The following PPP2R2B variants were observed in gnomAD, a reference collection of about 807,000 sequenced individuals.
The protein encoded by PPP2R2B is serine/threonine-protein phosphatase 2A 55 kDa regulatory subunit B beta isoform.
Under a neutral mutation model 46.0 loss-of-function variants are expected in PPP2R2B, and 5 were observed. The observed-to-expected ratio is 0.11, with a 90% CI of 0.06 to 0.23. PPP2R2B has a LOEUF of 0.23. PPP2R2B is among the 10% of genes least tolerant of loss of function. The pLI, the probability that PPP2R2B is intolerant of heterozygous loss-of-function variation, is 1.00. For synonymous variants in PPP2R2B, 215 were observed against 206.7 expected, an observed-to-expected ratio of 1.04 and a Z score of -0.34; for missense variants, 367 against 575.0, an observed-to-expected ratio of 0.64 and a Z score of 3.70.
intron 1 of PPP2R2B, among the ~76,000 whole-genome samples, chr5:146,968,657 T>A (rs1752541115): frequency 6.6e-6 from 1 of 152,242 alleles, no homozygotes; most frequent in Admixed American, 6.5e-5. Flanking sequence ...TAAAGTTTAA[T>A]CTGCATTATT....
chr5:146,794,466 T>G (rs1167018974), intron 2 of PPP2R2B, among the ~76,000 whole-genome samples: 1 of 152,210 alleles, frequency 6.6e-6, no homozygotes, highest in Non-Finnish European at 1.5e-5. Flanking sequence ...TTTTAACTTA[T>G]GCTAACAAGT....
chr5:146,882,542 A>C (rs1262474086), upstream of PPP2R2B, among the ~76,000 whole-genome samples: 1 of 152,234 alleles, frequency 6.6e-6, no homozygotes, highest in Non-Finnish European at 1.5e-5. Context: ...AGGAAAATGA[A>C]TAGTATTTGT....
chr5:146,609,596 T>G (rs1351318182), intron 7 of PPP2R2B, among the ~76,000 whole-genome samples: 2 of 150,012 alleles, frequency 1.3e-5, no homozygotes, highest in Non-Finnish European at 3.0e-5. Flanking sequence ...TTCATCTCAC[T>G]AGGGAGTGCC....
chr5:146,663,388 A>C (rs1776787553), intron 5 of PPP2R2B, among the ~76,000 whole-genome samples: 1 of 152,250 alleles, frequency 6.6e-6, no homozygotes, highest in Admixed American at 6.5e-5. Flanking sequence ...TTCAGAAGGT[A>C]ATCTGGAAGT....
At chr5:146,747,878 A>G (rs7713438) in intron 2 of PPP2R2B, among the ~76,000 whole-genome samples, 103,932 of 152,038 alleles carry the variant, frequency 0.68, 37,763 homozygotes, top group East Asian at 0.8. Flanking sequence ...TGGCCCAAGA[A>G]CAGCATGAAA....
intron 2 of PPP2R2B, among the ~76,000 whole-genome samples, chr5:146,716,615 C>G (rs1780515415): frequency 6.6e-6 from 1 of 152,058 alleles, no homozygotes; most frequent in South Asian, 2.1e-4. Context: ...CTCTGGATCC[C>G]TAGTGGGATC....
chr5:146,996,095 G>A (rs1217694463), intron 1 of PPP2R2B, among the ~76,000 whole-genome samples: 1 of 152,178 alleles, frequency 6.6e-6, no homozygotes, highest in Non-Finnish European at 1.5e-5. Flanking sequence ...TCAGGACCAA[G>A]GACAGTAGGA....
At chr5:146,693,368 C>T (rs1297997684) in intron 4 of PPP2R2B, among the ~76,000 whole-genome samples, 1 of 152,040 alleles carries the variant, frequency 6.6e-6, no homozygotes, top group Non-Finnish European at 1.5e-5. Flanking sequence ...TCACATGCCA[C>T]CACGCCCAGA....
At chr5:146,795,156 T>G (rs1220349349) in intron 2 of PPP2R2B, among the ~76,000 whole-genome samples, 2 of 152,058 alleles carry the variant, frequency 1.3e-5, no homozygotes, top group African/African-American at 2.4e-5. Flanking sequence ...TCATAAGGAC[T>G]GTTAAGGAGA....
chr5:146,847,117 T>C (rs1760056006), intron 2 of PPP2R2B, among the ~76,000 whole-genome samples: 1 of 152,212 alleles, frequency 6.6e-6, no homozygotes, highest in South Asian at 2.1e-4. Flanking sequence ...CCGTAATCTC[T>C]CAACTGATCT....
chr5:146,956,109 T>C (rs573498275), intron 1 of PPP2R2B, among the ~76,000 whole-genome samples: 1 of 151,990 alleles, frequency 6.6e-6, no homozygotes, highest in Admixed American at 6.5e-5. Flanking sequence ...TCTAAGAAAA[T>C]AGTTATGAAG....
At chr5:146,914,894 C>G (rs1763323737) in intron 1 of PPP2R2B, among the ~76,000 whole-genome samples, 1 of 152,158 alleles carries the variant, frequency 6.6e-6, no homozygotes, top group Non-Finnish European at 1.5e-5. Context: ...TGTATCTCCC[C>G]TACTAGTCCT....
chr5:146,631,452 T>C (rs1487469196), intron 7 of PPP2R2B, among the ~76,000 whole-genome samples: 1 of 152,110 alleles, frequency 6.6e-6, no homozygotes, highest in Non-Finnish European at 1.5e-5. Context: ...CATAAACATC[T>C]CTCCACTTGC....
At chr5:147,021,227 T>C (rs907719400) in intron 1 of PPP2R2B, among the ~76,000 whole-genome samples, 1 of 152,184 alleles carries the variant, frequency 6.6e-6, no homozygotes, top group East Asian at 1.9e-4. Context: ...CAGACTTAAT[T>C]GCTCTTTCAG....
At chr5:146,890,989 C>A (rs1251520369) in intron 1 of PPP2R2B, among the ~76,000 whole-genome samples, 1 of 152,106 alleles carries the variant, frequency 6.6e-6, no homozygotes, top group Non-Finnish European at 1.5e-5. Context: ...AAAATAAGGC[C>A]TGGGTCCAAA....
chr5:146,822,761 AAC>A (rs1758348526), intron 2 of PPP2R2B, among the ~76,000 whole-genome samples: 1 of 152,186 alleles, frequency 6.6e-6, no homozygotes, highest in African/African-American at 2.4e-5. Flanking sequence ...CAACACATGA[AAC>A]AGTGATTGAT....
At chr5:146,772,617 A>C (rs182399019) in intron 2 of PPP2R2B, among the ~76,000 whole-genome samples, 1 of 152,076 alleles carries the variant, frequency 6.6e-6, no homozygotes, top group East Asian at 1.9e-4. Context: ...AATGCATTCC[A>C]CTAATGCAAC....
At chr5:146,747,531 A>G (rs920727393) in intron 2 of PPP2R2B, among the ~76,000 whole-genome samples, 1 of 152,210 alleles carries the variant, frequency 6.6e-6, no homozygotes, top group Non-Finnish European at 1.5e-5. Flanking sequence ...CCACTTCAAC[A>G]TTAGTACATA....
intron 2 of PPP2R2B, among the ~76,000 whole-genome samples, chr5:146,730,042 C>A (rs1752132195): frequency 6.6e-6 from 1 of 152,212 alleles, no homozygotes; most frequent in Non-Finnish European, 1.5e-5. Context: ...CACTCAATGC[C>A]AACCCATGAA....
Sources: allele counts gnomAD v4.1 joint callset (sites outside exome capture counted in the v4.1 genomes callset), GRCh38; gene constraint gnomAD v4.1.1; transcripts MANE v1.5; gene names NCBI Gene and HGNC (gene_info 2026-07-23, HGNC 2026-07-21).